Variants in TMEM177 observed in about 807,000 individuals in gnomAD.
TMEM177 encodes the protein transmembrane protein 177.
In TMEM177, 4 loss-of-function variants were observed where a neutral mutation model predicts 14.2. The observed-to-expected ratio is 0.28, with a 90% CI of 0.14 to 0.64. The LOEUF is 0.64. TMEM177 is among the 30% of genes least tolerant of loss of function. The pLI is 0.82. For missense variants in TMEM177, 344 were observed against 405.2 expected, an observed-to-expected ratio of 0.85 and a Z score of 1.30; for synonymous variants, 179 against 174.5, an observed-to-expected ratio of 1.03 and a Z score of -0.20.
downstream of TMEM177, among the ~76,000 whole-genome samples, chr2:119,690,763 A>G (rs1364639279): frequency 3.3e-5 from 5 of 152,238 alleles, no homozygotes; most frequent in African/African-American, 1.2e-4. Flanking sequence ...TTAAGCGCGG[A>G]CAGCTCACAG....
chr2:119,709,045 TA>T, the TMEM177 span, among the ~76,000 whole-genome samples: 1 of 152,216 alleles, frequency 6.6e-6, no homozygotes, highest in Non-Finnish European at 1.5e-5. Flanking sequence ...ATCTTATGGA[TA>T]AAAAAACTGA....
At chr2:119,705,507 CT>C in the TMEM177 span, among the ~76,000 whole-genome samples, 652 of 152,280 alleles carry the variant, frequency 4.3e-3, 4 homozygotes, top group Non-Finnish European at 5.5e-3. Flanking sequence ...CCCCTCTCAG[CT>C]TCTAGAGGTT....
downstream of TMEM177, among the ~76,000 whole-genome samples, chr2:119,689,934 G>A (rs138054790): frequency 9.2e-5 from 14 of 152,332 alleles, 1 homozygote; most frequent in East Asian, 2.5e-3. Flanking sequence ...TGGACTCAGA[G>A]CCACCCTAGC....
chr2:119,697,306 A>G, the TMEM177 span, among the ~76,000 whole-genome samples: 2 of 152,206 alleles, frequency 1.3e-5, no homozygotes, highest in African/African-American at 4.8e-5. Context: ...CATGCCTGCA[A>G]TCCCAGCACT....
rs1232539276 is a variant in TMEM177 at position 119,682,073 on chromosome 2, G to A, written c.*284G>A. On this transcript the variant is annotated 3_prime_UTR_variant, in exon 2 of 2. Transcript: ENST00000272521. ...AGTTGGGTAAGGTCATGAACATAAG[G>A]GCCTGGCACAAAGGGTGCACTGTAA... is the stretch of plus-strand genomic sequence containing the variant. 1 of 378,582 alleles carries A rather than the reference G, an allele frequency of 2.6e-6. No homozygotes were observed. The highest frequency in any genetic ancestry group is 4.5e-5 in the East Asian group (1 of 22,356). 23.5% of individuals were successfully genotyped at this position (378,582 alleles called of 1,614,324 possible).
At chr2:119,719,091 C>T in the TMEM177 span, among the ~76,000 whole-genome samples, 10 of 152,232 alleles carry the variant, frequency 6.6e-5, no homozygotes, top group Middle Eastern at 3.4e-3. Flanking sequence ...GAAAAGTTCA[C>T]GAATCATGCC....
At chr2:119,702,373 TTGGCTGCTGGCTGC>T in the TMEM177 span, among the ~76,000 whole-genome samples, 14 of 152,202 alleles carry the variant, frequency 9.2e-5, no homozygotes, top group Admixed American at 6.5e-5. Context: ...TGGGGACTCC[TTGGCTGCTGGCTGC>T]TGGCTGCTGG....
chr2:119,717,435 C>T, the TMEM177 span, among the ~76,000 whole-genome samples: 1 of 152,038 alleles, frequency 6.6e-6, no homozygotes, highest in African/African-American at 2.4e-5. Flanking sequence ...GCACTGGGTG[C>T]ACCCCCAGGA....
chr2:119,721,382 C>T, the TMEM177 span, among the ~76,000 whole-genome samples: 1 of 152,190 alleles, frequency 6.6e-6, no homozygotes, highest in African/African-American at 2.4e-5. Context: ...GGGGAGAGAG[C>T]CCAGAAGCTC....
the TMEM177 span, among the ~76,000 whole-genome samples, chr2:119,711,238 C>T: frequency 2.6e-4 from 39 of 151,910 alleles, no homozygotes; most frequent in African/African-American, 8.0e-4. Context: ...CTAAAAACAA[C>T]CAAAAAGCTA....
the TMEM177 span, among the ~76,000 whole-genome samples, chr2:119,692,459 C>A: frequency 6.6e-6 from 1 of 152,232 alleles, no homozygotes; most frequent in African/African-American, 2.4e-5. Flanking sequence ...CCCAGGCGAA[C>A]AGCAGCTCCC....
At chr2:119,689,457 G>A (rs911290317), downstream of TMEM177, among the ~76,000 whole-genome samples, 7 of 152,310 alleles carry the variant, frequency 4.6e-5, no homozygotes, top group South Asian at 2.1e-4. Context: ...AAACCCCTAC[G>A]AGTGAATGGA....
chr2:119,714,929 G>A, the TMEM177 span, among the ~76,000 whole-genome samples: 1 of 152,216 alleles, frequency 6.6e-6, no homozygotes, highest in Non-Finnish European at 1.5e-5. Context: ...GCAATAGGGA[G>A]GGAATGAAGG....
At chr2:119,708,029 C>T in the TMEM177 span, among the ~76,000 whole-genome samples, 1 of 152,240 alleles carries the variant, frequency 6.6e-6, no homozygotes, top group Non-Finnish European at 1.5e-5. Context: ...AGCCCCTGCT[C>T]TCCAGCGACA....
the TMEM177 span, among the ~76,000 whole-genome samples, chr2:119,718,600 T>C: frequency 5.3e-5 from 8 of 152,356 alleles, no homozygotes; most frequent in African/African-American, 1.7e-4. Context: ...TCTTACTTCA[T>C]GTGGCTGTCC....
At chr2:119,708,727 A>T in the TMEM177 span, among the ~76,000 whole-genome samples, 1 of 151,688 alleles carries the variant, frequency 6.6e-6, no homozygotes, top group East Asian at 1.9e-4. Flanking sequence ...CACTTCTCAC[A>T]TCACTCTTTG....
the TMEM177 span, among the ~76,000 whole-genome samples, chr2:119,704,328 G>A: frequency 2.6e-5 from 4 of 152,174 alleles, no homozygotes; most frequent in Non-Finnish European, 5.9e-5. Context: ...GGCCAGGCAT[G>A]TTGTCTCACG....
the TMEM177 span, chr2:119,700,191 CAGAA>C: frequency 0.019 from 3,288 of 174,776 alleles, 186 homozygotes; most frequent in East Asian, 0.18. Context: ...TAAAAGGAAA[CAGAA>C]AGAAAGAAGG....
chr2:119,713,936 A>T, the TMEM177 span, among the ~76,000 whole-genome samples: 1 of 152,164 alleles, frequency 6.6e-6, no homozygotes, highest in Non-Finnish European at 1.5e-5. Flanking sequence ...TTTTCTATGG[A>T]CTGTCTTCCC....
Sources: gnomAD v4.1 joint callset for allele counts (sites outside exome capture counted in the v4.1 genomes callset) on GRCh38, gnomAD v4.1.1 for gene constraint, MANE v1.5 for transcripts, NCBI Gene and HGNC (gene_info 2026-07-23, HGNC 2026-07-21) for gene names.